Variants in ANKRD12 observed in about 807,000 individuals in gnomAD.
The protein encoded by ANKRD12 is ankyrin repeat domain-containing protein 12.
A neutral mutation model predicts 183.4 loss-of-function variants in ANKRD12; 85 were observed. The observed-to-expected ratio is 0.46, with a 90% CI of 0.39 to 0.56. The LOEUF is 0.56. Ranked by LOEUF, ANKRD12 falls within the 20% of genes least tolerant of loss-of-function variation. The probability of loss-of-function intolerance (pLI) is 0.00; values close to 1 mark genes in which losing one functional copy is unlikely to be tolerated. For synonymous variants in ANKRD12, 914 were observed against 800.2 expected (o/e 1.14, Z -2.40); for missense variants, 2,405 against 2,357.1 (o/e 1.02, Z -0.42).
At chr18:9,259,603 C>G (rs1013858250) in intron 9 of ANKRD12, 16 of 152,212 alleles carry the variant, frequency 1.1e-4, no homozygotes, top group Admixed American at 1.0e-3. Flanking sequence ...TTAGTTGTGT[C>G]AAATATTGTT....
chr18:9,211,906 T>C (rs2144640640), intron 6 of ANKRD12, 122 bp downstream of exon 6: 3 of 859,934 alleles, frequency 3.5e-6, no homozygotes, highest in Middle Eastern at 3.7e-4. Flanking sequence ...AAATACTCTT[T>C]ATTACAAAAC....
rs192649977 is a variant in ANKRD12 at position 9,280,704 on chromosome 18, G to A, written c.6004-237G>A. Among the ~76,000 whole-genome samples the A allele has an allele frequency of 9.9e-5, 15 of 152,110 alleles. No homozygotes were observed. In the East Asian group the frequency reaches 2.9e-3, roughly 29 times the overall value. On this transcript the variant is annotated intron_variant, in intron 12 of 12. Coordinates refer to ENST00000262126, the MANE Select transcript of ANKRD12 (RefSeq NM_015208.5). ...CTTGGGAGGCTGAAGCAGGAGACTC[G>A]CTTGAACCCAGGAGGCGGAGGTTGC...
chr18:9,280,896 A>G lies in ANKRD12; in HGVS notation c.6004-45A>G, dbSNP rs750277216. The G allele has an allele frequency of 1.4e-5, 22 of 1,574,314 alleles. No individual in the cohort carries two copies. In the East Asian group the frequency reaches 4.7e-4, roughly 34 times the overall value. ...GATGAGATTAATTTTTAAACAAAGC[A>G]AAGTTAACAGAATAATCAAGTAACT... On this transcript the variant is annotated intron_variant, in intron 12 of 12. Coordinates refer to ENST00000262126, the MANE Select transcript of ANKRD12 (RefSeq NM_015208.5).
intron 1 of ANKRD12, among the ~76,000 whole-genome samples, chr18:9,170,051 TC>T (rs2032531190): frequency 6.6e-6 from 1 of 152,272 alleles, no homozygotes; most frequent in South Asian, 2.1e-4. Context: ...CCCACTCTCT[TC>T]CGGCTTGTAG....
intron 4 of ANKRD12, among the ~76,000 whole-genome samples, chr18:9,207,739 C>G (rs575149384): frequency 1.3e-5 from 2 of 152,210 alleles, no homozygotes; most frequent in Admixed American, 6.5e-5. Flanking sequence ...CAGGTACCCT[C>G]AAACCTGGAT....
chr18:9,164,213 G>T lies in ANKRD12; in HGVS notation c.-51-18169G>T, dbSNP rs529784783. On this transcript the variant is annotated intron_variant, in intron 1 of 12. Coordinates refer to ENST00000262126, the MANE Select transcript of ANKRD12 (RefSeq NM_015208.5). Reference sequence around the variant, plus strand: ...ATGTTCCTTCAGTCCCTAGTTTATTGAGAGTTTTTAACATGAAGGGATGTT... The same window carrying T: ...ATGTTCCTTCAGTCCCTAGTTTATTTAGAGTTTTTAACATGAAGGGATGTT... Among the ~76,000 whole-genome samples, 6 of 152,200 alleles carry T rather than the reference G, an allele frequency of 3.9e-5. No individual in the cohort carries two copies. In the South Asian group the frequency reaches 1.2e-3, roughly 32 times the overall value.
intron 3 of ANKRD12, among the ~76,000 whole-genome samples, chr18:9,199,865 T>A (rs2035066141): frequency 6.6e-6 from 1 of 152,218 alleles, no homozygotes. Context: ...AGAGGGATGC[T>A]GGGAATGATG....
intron 1 of ANKRD12, among the ~76,000 whole-genome samples, chr18:9,169,237 G>A (rs2032428501): frequency 6.6e-6 from 1 of 152,136 alleles, no homozygotes; most frequent in African/African-American, 2.4e-5. Flanking sequence ...AGGTCCACTT[G>A]GTGCAGAGCT....
chr18:9,157,550 G>GGTGTGTATGTGTGTGTGT (rs1555707774), intron 1 of ANKRD12, among the ~76,000 whole-genome samples: 8 of 114,588 alleles, frequency 7.0e-5, no homozygotes, highest in African/African-American at 2.8e-4. Context: ...GGTGTGTGTG[G>GGTGTGTATGTGTGTGTGT]GTGTGTGTGT....
chr18:9,244,754 G>A (rs935355563), intron 8 of ANKRD12, among the ~76,000 whole-genome samples: 1 of 152,198 alleles, frequency 6.6e-6, no homozygotes, highest in African/African-American at 2.4e-5. Flanking sequence ...TTTCCATGGA[G>A]TATAAGCATG....
At chr18:9,190,425 C>T (rs1567896711) in intron 2 of ANKRD12, among the ~76,000 whole-genome samples, 1 of 152,172 alleles carries the variant, frequency 6.6e-6, no homozygotes, top group African/African-American at 2.4e-5. Flanking sequence ...ATGCTAGAAA[C>T]ATTGTTGAAA....
chr18:9,195,826 TATC>T (rs1448202623), intron 3 of ANKRD12, 128 bp downstream of exon 3: 3 of 898,662 alleles, frequency 3.3e-6, no homozygotes, highest in Non-Finnish European at 4.7e-6. Context: ...ATTTCAGATT[TATC>T]ATTTTGGGGT....
At chr18:9,262,714 C>G (rs1272104457) in intron 9 of ANKRD12, among the ~76,000 whole-genome samples, 2 of 146,210 alleles carry the variant, frequency 1.4e-5, no homozygotes, top group Non-Finnish European at 3.0e-5. Context: ...CTCCTAGTCT[C>G]AAGCAATCCT....
Position 9,172,886 on chromosome 18 carries a change from T to A in ANKRD12, c.-51-9496T>A, listed in dbSNP as rs537615439. On this transcript the variant is annotated intron_variant, in intron 1 of 12. Coordinates refer to ENST00000262126, the MANE Select transcript of ANKRD12 (RefSeq NM_015208.5). The stretch of plus-strand genomic sequence containing the variant: ...TGATTTTTGAGGTTGCTGATCTTTT[T>A]TTTTTGTTTTTTGTTTTTTTGTTTT... Among the ~76,000 whole-genome samples the A allele has an allele frequency of 2.8e-4, 43 of 151,996 alleles. No homozygotes were observed. In the East Asian group the frequency reaches 7.5e-3, roughly 27 times the overall value.
chr18:9,186,063 A>G (rs373929569), intron 2 of ANKRD12, among the ~76,000 whole-genome samples: 64 of 151,626 alleles, frequency 4.2e-4, no homozygotes, highest in African/African-American at 1.5e-3. Context: ...AATTGTTCCT[A>G]TGTACTTTTC....
At chr18:9,167,664 CAG>C (rs2032226381) in intron 1 of ANKRD12, among the ~76,000 whole-genome samples, 1 of 152,166 alleles carries the variant, frequency 6.6e-6, no homozygotes, top group African/African-American at 2.4e-5. Flanking sequence ...CATCTGCAAA[CAG>C]GGACAATTTG....
intron 10 of ANKRD12, among the ~76,000 whole-genome samples, chr18:9,266,169 G>A (rs2039280302): frequency 6.6e-6 from 1 of 152,202 alleles, no homozygotes; most frequent in Non-Finnish European, 1.5e-5. Context: ...CGGGGAGAAT[G>A]GAACCAAGTT....
At position 9,195,629 on chromosome 18, in the gene ANKRD12, T is replaced by C; in HGVS notation, c.166T>C (p.Ser56Pro). 6.2e-7 allele frequency: 1 copy of C among 1,613,024 alleles called. No homozygotes were observed. The highest frequency in any genetic ancestry group is 8.5e-7 in the Non-Finnish European group (1 of 1,179,500). ...SDVSKEMKEK[S>P]SMKRKLPFTI... is the part of the protein sequence containing the mutation. ...TGTGAGCAAGGAGATGAAAGAGAAA[T>C]CATCCATGAAACGTAAACTTCCTTT... is the stretch of plus-strand genomic sequence containing the variant. Residue 56 changes from serine to proline, a missense_variant, in exon 3 of 13, where the codon TCA becomes CCA. Coordinates refer to ENST00000262126, the MANE Select transcript of ANKRD12 (RefSeq NM_015208.5).
chr18:9,153,458 C>T (rs1161608692), intron 1 of ANKRD12, among the ~76,000 whole-genome samples: 42 of 152,066 alleles, frequency 2.8e-4, no homozygotes, highest in Admixed American at 2.8e-3. Flanking sequence ...TGTAATGTGT[C>T]TGTGTATAGT....
Sources: allele counts gnomAD v4.1 joint callset (sites outside exome capture counted in the v4.1 genomes callset), GRCh38; gene constraint gnomAD v4.1.1; transcripts MANE v1.5; gene names NCBI Gene and HGNC (gene_info 2026-07-23, HGNC 2026-07-21).